The following SDC1 variants were observed in gnomAD, a reference collection of about 807,000 sequenced individuals.
SDC1 encodes the protein syndecan-1.
Under a neutral mutation model 29.7 loss-of-function variants are expected in SDC1, and 14 were observed. That is an observed-to-expected ratio of 0.47 (90% CI 0.31 to 0.74). SDC1 has a LOEUF of 0.74. Among genes scored for constraint, SDC1 ranks in the 30% least tolerant of loss-of-function variants. The pLI, the probability that SDC1 is intolerant of heterozygous loss-of-function variation, is 0.05. For synonymous variants in SDC1, 204 were observed against 175.5 expected (o/e 1.16, Z -1.29); for missense variants, 406 against 400.3 (o/e 1.01, Z -0.12).
chr2:20,222,809 C>G (rs1677862808), intron 1 of SDC1, among the ~76,000 whole-genome samples: 1 of 152,242 alleles, frequency 6.6e-6, no homozygotes, highest in African/African-American at 2.4e-5. Flanking sequence ...TCTGGAATGT[C>G]TGCTTTACCC....
chr2:20,209,908 C>T lies in SDC1; in HGVS notation c.67-4484G>A, dbSNP rs529401328. 7.9e-5 allele frequency among the ~76,000 whole-genome samples: 12 copies of T among 152,362 alleles called. 1 individual carries two copies. The South Asian group carries it at 1.2e-3, about 16-fold the overall frequency. On this transcript the variant is annotated intron_variant, in intron 1 of 4. Coordinates refer to ENST00000254351, the MANE Select transcript of SDC1 (RefSeq NM_002997.5). ...GGGGCAGCGGGCCCAGTCGCTAACCCGAGAGGTTGCCCATCTACCCCCCGC... is the reference window on the plus strand; with the variant it reads ...GGGGCAGCGGGCCCAGTCGCTAACCTGAGAGGTTGCCCATCTACCCCCCGC...
At chr2:20,206,656 C>T (rs565688908) in intron 1 of SDC1, among the ~76,000 whole-genome samples, 4 of 152,356 alleles carry the variant, frequency 2.6e-5, no homozygotes, top group African/African-American at 9.6e-5. Context: ...ATATGCAGAA[C>T]AGCACAGTCC....
rs1322835586 is a variant in SDC1, at chr2:20,205,367, C to T, written c.124G>A (p.Asp42Asn). ...CCTGCACCTGAGCCGGAGAAGTTGTCAGAGTCATCCCCAGAGCCATCTTGA... is the reference window on the plus strand; with the variant it reads ...CCTGCACCTGAGCCGGAGAAGTTGTTAGAGTCATCCCCAGAGCCATCTTGA... ...EDQDGSGDDSDNFSGSGAGAL... is the reference protein window; with the variant it reads ...EDQDGSGDDSNNFSGSGAGAL... The change falls in exon 2 of 5, where the codon GAC becomes AAC. Residue 42 changes from aspartate to asparagine, a missense_variant. Physicochemically the swap from Asp to Asn is conservative, Grantham distance 23. Coordinates refer to ENST00000254351, the MANE Select transcript of SDC1 (RefSeq NM_002997.5). 1.2e-6 allele frequency: 2 copies of T among 1,614,026 alleles called. No individual in the cohort carries two copies. Among genetic ancestry groups the T allele is most frequent in the South Asian group, 2.2e-5 (2 of 91,052 alleles).
At position 20,203,879 on chromosome 2, in the gene SDC1, G is replaced by A; in HGVS notation, c.561C>T (p.Ala187=). The change falls in exon 3 of 5, where the codon GCC becomes GCT. Residue 187 remains alanine, a synonymous_variant. Coordinates refer to ENST00000254351, the MANE Select transcript of SDC1 (RefSeq NM_002997.5). The part of the protein sequence containing the change: ...TPHTEDGGPS[A]TERAAEDGAS... ...CTCCATCCTCAGCAGCCCTCTCGGT[G>A]GCAGAAGGACCTCCATCCTCTGTGT... is the stretch of plus-strand genomic sequence containing the variant. 1 of 1,611,822 alleles carries A rather than the reference G, an allele frequency of 6.2e-7. No individual in the cohort carries two copies. The highest frequency in any genetic ancestry group is 1.1e-5 in the South Asian group (1 of 91,022).
At chr2:20,209,866 TCAGA>T (rs956288533) in intron 1 of SDC1, among the ~76,000 whole-genome samples, 27 of 152,190 alleles carry the variant, frequency 1.8e-4, no homozygotes, top group African/African-American at 6.3e-4. Flanking sequence ...AGTGGGCATC[TCAGA>T]CAGGTTCGAC....
At chr2:20,206,048 G>A (rs1398837721) in intron 1 of SDC1, among the ~76,000 whole-genome samples, 1 of 152,232 alleles carries the variant, frequency 6.6e-6, no homozygotes, top group Non-Finnish European at 1.5e-5. Flanking sequence ...CCCAGGCCTG[G>A]CCCTGATACA....
chr2:20,206,987 T>C (rs1458646345), intron 1 of SDC1, among the ~76,000 whole-genome samples: 1 of 152,252 alleles, frequency 6.6e-6, no homozygotes, highest in Non-Finnish European at 1.5e-5. Flanking sequence ...ACCAGAAGCC[T>C]CTGCACTGAC....
At chr2:20,220,590 G>A (rs189423270) in intron 1 of SDC1, among the ~76,000 whole-genome samples, 1 of 152,280 alleles carries the variant, frequency 6.6e-6, no homozygotes, top group Admixed American at 6.5e-5. Flanking sequence ...TTCCTCAGGC[G>A]GTTTCATCAC....
chr2:20,209,988 A>C (rs1275435775), intron 1 of SDC1, among the ~76,000 whole-genome samples: 1 of 152,232 alleles, frequency 6.6e-6, no homozygotes, highest in Non-Finnish European at 1.5e-5. Flanking sequence ...CCGCACCCTG[A>C]ATCACTGACA....
At chr2:20,209,444 C>T (rs1355217815) in intron 1 of SDC1, among the ~76,000 whole-genome samples, 1 of 152,212 alleles carries the variant, frequency 6.6e-6, no homozygotes, top group African/African-American at 2.4e-5. Context: ...CTGTCTAAGG[C>T]TCCTCAGTGG....
At chr2:20,211,981 G>A (rs1434067273) in intron 1 of SDC1, among the ~76,000 whole-genome samples, 2 of 152,236 alleles carry the variant, frequency 1.3e-5, no homozygotes, top group African/African-American at 2.4e-5. Context: ...TCCGCCATGC[G>A]GCTCCCGTGC....
intron 1 of SDC1, chr2:20,223,291 A>C (rs1185643580): frequency 7.7e-7 from 1 of 1,295,856 alleles, no homozygotes; most frequent in African/African-American, 1.5e-5. Context: ...GTAAAGAAAA[A>C]AAAAACCAAA....
At chr2:20,223,430 C>A in intron 1 of SDC1, 1 of 467,918 alleles carries the variant, frequency 2.1e-6, no homozygotes, top group South Asian at 1.8e-5. Context: ...CCTTCCCTGC[C>A]CACGTGCCTC....
rs1677936124 is a variant in SDC1, at chr2:20,224,736, C to G, written c.66+66G>C. The stretch of plus-strand genomic sequence containing the variant: ...CCCCTCCCCCTCCACGTGCACCCGC[C>G]GGCATCCGCGGGTGACCAGTCCCGG... On this transcript the variant is annotated intron_variant, in intron 1 of 4. Coordinates refer to ENST00000254351, the MANE Select transcript of SDC1 (RefSeq NM_002997.5). The surrounding 1 kb of genome is among the most constrained non-coding windows in gnomAD (Gnocchi z 4.9). 8.0e-7 allele frequency: 1 copy of G among 1,251,362 alleles called. No homozygotes were observed. Among genetic ancestry groups the G allele is most frequent in the Non-Finnish European group, 1.0e-6 (1 of 994,770 alleles). The allele number at this position is 1,251,362 out of a possible 1,614,324, so 77.5% of individuals were successfully genotyped here. A position where few individuals can be genotyped will look rare whatever the true frequency, so the allele number is the denominator to read the frequency against.
intron 3 of SDC1, 71 bp downstream of exon 3, chr2:20,203,742 G>C (rs79429703): frequency 0.1 from 114,545 of 1,137,052 alleles, 6,091 homozygotes; most frequent in Middle Eastern, 0.11. Flanking sequence ...GGGCACAGGT[G>C]TAGGGCCTGC....
intron 3 of SDC1, 147 bp from the exon 4 acceptor site, chr2:20,203,369 C>A: frequency 1.1e-6 from 1 of 910,104 alleles, no homozygotes; most frequent in Non-Finnish European, 1.6e-6. Context: ...CGCACAGGGC[C>A]CGAAAGCCAG....
intron 1 of SDC1, among the ~76,000 whole-genome samples, chr2:20,210,484 C>G (rs1408104630): frequency 6.6e-6 from 1 of 152,214 alleles, no homozygotes; most frequent in Non-Finnish European, 1.5e-5. Context: ...AGCCCCCAAA[C>G]CAACTCAGGA....
chr2:20,220,120 T>C (rs994686505), intron 1 of SDC1, among the ~76,000 whole-genome samples: 5 of 152,226 alleles, frequency 3.3e-5, no homozygotes, highest in African/African-American at 9.6e-5. Context: ...TGAGGAGCTC[T>C]CGCCTGTCCC....
At position 20,202,204 on chromosome 2, in the gene SDC1, A is replaced by G; in HGVS notation, c.*562T>C. On this transcript the variant is annotated 3_prime_UTR_variant, in exon 5 of 5. Coordinates refer to ENST00000254351, the MANE Select transcript of SDC1 (RefSeq NM_002997.5). ...ATCAACTTACTTAACTTACCTCAGAAGTAACAAGGTCTACTGGGCTATGAA... is the reference window on the plus strand; with the variant it reads ...ATCAACTTACTTAACTTACCTCAGAGGTAACAAGGTCTACTGGGCTATGAA... 1.3e-6 allele frequency: 1 copy of G among 743,268 alleles called. No individual in the cohort carries two copies. Among genetic ancestry groups the G allele is most frequent in the South Asian group, 1.5e-5 (1 of 68,094 alleles). 46.0% of individuals were successfully genotyped at this position (743,268 alleles called of 1,614,324 possible).
Sources: allele counts gnomAD v4.1 joint callset (sites outside exome capture counted in the v4.1 genomes callset), GRCh38; gene constraint gnomAD v4.1.1; non-coding constraint Gnocchi (gnomAD v3.1); transcripts MANE v1.5; gene names NCBI Gene and HGNC (gene_info 2026-07-23, HGNC 2026-07-21).